Variants in MCTP2 observed in about 807,000 individuals in gnomAD.
MCTP2 encodes multiple C2 and transmembrane domain-containing protein 2.
Under a neutral mutation model 111.6 loss-of-function variants are expected in MCTP2, and 132 were observed. The ratio of observed to expected loss-of-function variants is 1.18; its 90% CI spans 1.03 to 1.37. The LOEUF is 1.37. MCTP2 is among the 40% of genes most tolerant of loss of function. The pLI, the probability that MCTP2 is intolerant of heterozygous loss-of-function variation, is 0.00. For synonymous variants in MCTP2, 395 were observed against 387.7 expected (o/e 1.02, Z -0.22); for missense variants, 1,183 against 1,067.9 (o/e 1.11, Z -1.50).
chr15:94,390,082 ATATATATG>A (rs1191812987), intron 14 of MCTP2, among the ~76,000 whole-genome samples: 149 of 11,044 alleles, frequency 0.013, no homozygotes, highest in South Asian at 0.11. Flanking sequence ...ATATATATAT[ATATATATG>A]TATATATATA....
At chr15:94,364,734 T>C (rs1245233779) in intron 10 of MCTP2, among the ~76,000 whole-genome samples, 2 of 152,176 alleles carry the variant, frequency 1.3e-5, no homozygotes, top group African/African-American at 4.8e-5. Context: ...TAAAAAAAAT[T>C]CTGTTGCTTT....
Position 94,355,040 on chromosome 15 carries a change from C to T in MCTP2, c.1006-1097C>T, listed in dbSNP as rs184065912. Among the ~76,000 whole-genome samples the T allele has an allele frequency of 2.0e-4, 30 of 152,282 alleles. 1 individual carries two copies. In the East Asian group the frequency reaches 5.4e-3, roughly 27 times the overall value. On this transcript the variant is annotated intron_variant, in intron 8 of 22. Transcript: ENST00000357742. ...GTTATTTCACTTACTGAACGGACAA[C>T]GTAAATGAACTCTGCTAACTAAATG...
intron 17 of MCTP2, among the ~76,000 whole-genome samples, chr15:94,439,049 A>T (rs1441600798): frequency 6.6e-6 from 1 of 152,182 alleles, no homozygotes; most frequent in Non-Finnish European, 1.5e-5. Context: ...TGATACAATA[A>T]AGAATATTCA....
At chr15:94,246,072 CAA>C (rs1243798231) in intron 1 of MCTP2, among the ~76,000 whole-genome samples, 5 of 151,966 alleles carry the variant, frequency 3.3e-5, no homozygotes, top group African/African-American at 1.2e-4. Context: ...GAGGGACTGG[CAA>C]AGGCTTGGGG....
At chr15:94,282,996 G>T (rs866484667) in intron 1 of MCTP2, among the ~76,000 whole-genome samples, 4 of 152,140 alleles carry the variant, frequency 2.6e-5, no homozygotes, top group African/African-American at 4.8e-5. Flanking sequence ...TGGGGCGGTG[G>T]TGTGTCGTTA....
chr15:94,349,715 GA>G (rs1293387244), intron 8 of MCTP2, among the ~76,000 whole-genome samples: 2 of 151,764 alleles, frequency 1.3e-5, no homozygotes, highest in African/African-American at 4.8e-5. Flanking sequence ...AGCTACTCTG[GA>G]GGCTGAGGCA....
chr15:94,476,830 A>G (rs1344724062), intron 22 of MCTP2, 37 bp downstream of exon 22: 2 of 1,238,410 alleles, frequency 1.6e-6, no homozygotes, highest in Admixed American at 1.7e-5. Flanking sequence ...AGTGGCCCCA[A>G]CCTGAAATCT....
At chr15:94,311,213 TG>T (rs367972628) in intron 2 of MCTP2, among the ~76,000 whole-genome samples, 3 of 151,188 alleles carry the variant, frequency 2.0e-5, no homozygotes, top group African/African-American at 7.3e-5. Flanking sequence ...TTATTAGAGA[TG>T]GGGGGGTTTG....
chr15:94,255,461 T>G (rs1417431118), intron 1 of MCTP2, among the ~76,000 whole-genome samples: 1 of 149,740 alleles, frequency 6.7e-6, no homozygotes, highest in Non-Finnish European at 1.5e-5. Context: ...TTTTAGCAGT[T>G]TGACTTTCGT....
chr15:94,277,191 T>A (rs989543975), intron 1 of MCTP2, among the ~76,000 whole-genome samples: 2 of 152,114 alleles, frequency 1.3e-5, no homozygotes, highest in Non-Finnish European at 2.9e-5. Context: ...ACTACAAAAT[T>A]ATGAGATACC....
intron 8 of MCTP2, among the ~76,000 whole-genome samples, chr15:94,354,286 A>G (rs2078482757): frequency 6.6e-6 from 1 of 152,098 alleles, no homozygotes; most frequent in Admixed American, 6.6e-5. Flanking sequence ...ATGGATATTG[A>G]TATGGTTAGA....
intron 1 of MCTP2, among the ~76,000 whole-genome samples, chr15:94,287,819 G>A (rs552649992): frequency 1.3e-5 from 2 of 152,278 alleles, no homozygotes; most frequent in African/African-American, 2.4e-5. Context: ...ATTATCCAGC[G>A]TGAATTTAAT....
In MCTP2 at chr15:94,385,057, A is replaced by C. The variant is rs553868462; in HGVS notation, c.1686-366A>C. Among the ~76,000 whole-genome samples, 4 of 152,352 alleles carry C rather than the reference A, an allele frequency of 2.6e-5. No individual in the cohort carries two copies. In the East Asian group the frequency reaches 7.7e-4, roughly 29 times the overall value. On this transcript the variant is annotated intron_variant, in intron 13 of 22. Transcript: ENST00000357742. Reference sequence around the variant, plus strand: ...TAAAGGTAATTCTTAATTTTAAAAAATGTTAACTCCTTTCATTTGGAAGCT... The same window carrying C: ...TAAAGGTAATTCTTAATTTTAAAAACTGTTAACTCCTTTCATTTGGAAGCT...
chr15:94,257,604 T>TTTTTTTTTTTAA, intron 1 of MCTP2, among the ~76,000 whole-genome samples: 1 of 117,748 alleles, frequency 8.5e-6, no homozygotes, highest in East Asian at 2.5e-4. Context: ...TTTTTTTTTT[T>TTTTTTTTTTTAA]GAGACGGAGT....
intron 17 of MCTP2, among the ~76,000 whole-genome samples, chr15:94,413,484 T>C (rs1462360996): frequency 2.6e-5 from 4 of 152,104 alleles, no homozygotes; most frequent in Non-Finnish European, 4.4e-5. Context: ...CAGCTAAAAT[T>C]TGATGCTTAT....
rs952035327 is a variant in MCTP2, at chr15:94,398,537, A to G, written c.1789-424A>G. Among the ~76,000 whole-genome samples the G allele has an allele frequency of 3.0e-4, 46 of 152,182 alleles. 1 individual carries two copies. Among genetic ancestry groups the G allele is most frequent in the South Asian group, 2.1e-4 (1 of 4,828 alleles). ...TATCTTTTTTCTGTTCAAGGACCCA[A>G]TCCAGAATACCACATTGCATTTAAT... On this transcript the variant is annotated intron_variant, in intron 14 of 22. Transcript: ENST00000357742.
chr15:94,424,991 C>G (rs1000887680), intron 17 of MCTP2, among the ~76,000 whole-genome samples: 7 of 151,572 alleles, frequency 4.6e-5, no homozygotes, highest in African/African-American at 1.7e-4. Context: ...TTTGTTTTAC[C>G]TTTTGATGAA....
rs1054350902 is a variant in MCTP2, at chr15:94,470,517, A to G, written c.2470+75A>G. ...AATTACTCATTTTTAAAGTGCGACT[A>G]TTAATTTTAAATGTGCTCTTGTTGG... On this transcript the variant is annotated intron_variant, in intron 21 of 22. Coordinates refer to ENST00000357742, the MANE Select transcript of MCTP2 (RefSeq NM_001385001.1). 9 of 1,047,546 alleles carry G rather than the reference A, an allele frequency of 8.6e-6. No individual in the cohort carries two copies. In the African/African-American group the frequency reaches 9.4e-5, roughly 11 times the overall value. 64.9% of individuals were successfully genotyped at this position (1,047,546 alleles called of 1,614,324 possible). A position where few individuals can be genotyped will look rare whatever the true frequency, so the allele number is the denominator to read the frequency against.
rs17730448 is a variant in MCTP2 at position 94,483,206 on chromosome 15, C to G, written c.*4172C>G. The stretch of plus-strand genomic sequence containing the variant: ...CTTCATGGGCTTGAGATGGAGTTAG[C>G]CATATTCATTATTGAAAACTATGTT... On this transcript the variant is annotated 3_prime_UTR_variant, in exon 23 of 23. Transcript: ENST00000357742. 11,951 of 152,146 alleles carry G rather than the reference C, an allele frequency of 0.079. 644 individuals are homozygous for G. The highest frequency in any genetic ancestry group is 0.21 in the East Asian group (1,100 of 5,164). The allele number at this position is 152,146 out of a possible 1,614,324, so 9.4% of individuals were successfully genotyped here.
Sources: allele counts gnomAD v4.1 joint callset (sites outside exome capture counted in the v4.1 genomes callset), GRCh38; gene constraint gnomAD v4.1.1; transcripts MANE v1.5; gene names NCBI Gene and HGNC (gene_info 2026-07-23, HGNC 2026-07-21).